Variants in ELOVL6 observed in about 807,000 individuals in gnomAD.
ELOVL6 encodes the protein ELOVL fatty acid elongase 6.
A neutral mutation model predicts 31.7 loss-of-function variants in ELOVL6; 8 were observed. That is an observed-to-expected ratio of 0.25 (90% CI 0.15 to 0.45). ELOVL6 has a LOEUF of 0.45. Ranked by LOEUF, ELOVL6 falls within the 20% of genes least tolerant of loss-of-function variation. ELOVL6 has a pLI of 1.00. For missense variants in ELOVL6, 126 were observed against 326.4 expected (o/e 0.39, Z 4.73); for synonymous variants, 101 against 117.7 (o/e 0.86, Z 0.92).
intron 1 of ELOVL6, among the ~76,000 whole-genome samples, chr4:110,113,068 T>C (rs1757079319): frequency 6.7e-6 from 1 of 148,522 alleles, no homozygotes; most frequent in South Asian, 2.1e-4. Flanking sequence ...ACTAAAAAAA[T>C]ACAAAAAAAA....
In ELOVL6 at chr4:110,198,364, T is replaced by C. The variant is rs1428459595; in HGVS notation, c.-29A>G. On this transcript the variant is annotated 5_prime_UTR_variant, in exon 1 of 4. Coordinates refer to ENST00000302274, the MANE Select transcript of ELOVL6 (RefSeq NM_024090.3). ...GGCTGATCTTCGGAGTCGCTACGTG[T>C]TCTCTATACAAAATAAAATAATCTG... 1 of 1,321,458 alleles carries C rather than the reference T, an allele frequency of 7.6e-7. No homozygotes were observed. The highest frequency in any genetic ancestry group is 1.1e-6 in the Non-Finnish European group (1 of 920,574). The allele number at this position is 1,321,458 out of a possible 1,614,324, so 81.9% of individuals were successfully genotyped here.
chr4:110,111,239 A>C (rs1311212637), intron 1 of ELOVL6, among the ~76,000 whole-genome samples: 4 of 152,228 alleles, frequency 2.6e-5, no homozygotes, highest in African/African-American at 9.6e-5. Context: ...ACAACTGGAC[A>C]TAAGATTTTG....
chr4:110,057,356 A>G (rs775465897), intron 3 of ELOVL6, among the ~76,000 whole-genome samples: 8 of 152,072 alleles, frequency 5.3e-5, no homozygotes, highest in Non-Finnish European at 1.2e-4. Context: ...GGAAGTAGTA[A>G]AAGGTAGAAA....
intron 1 of ELOVL6, among the ~76,000 whole-genome samples, chr4:110,130,478 G>T (rs945438673): frequency 6.6e-6 from 1 of 152,168 alleles, no homozygotes; most frequent in Admixed American, 6.5e-5. Flanking sequence ...CATTCTGGCC[G>T]TAATTATTCT....
At chr4:110,185,870 TTGGATAA>T (rs1759422818) in intron 1 of ELOVL6, among the ~76,000 whole-genome samples, 2 of 152,136 alleles carry the variant, frequency 1.3e-5, no homozygotes, top group Admixed American at 1.3e-4. Context: ...TCCTGAGGTC[TTGGATAA>T]CCAAGAGAAG....
intron 1 of ELOVL6, among the ~76,000 whole-genome samples, chr4:110,121,566 G>T (rs1757357340): frequency 6.6e-6 from 1 of 152,150 alleles, no homozygotes; most frequent in South Asian, 2.1e-4. Context: ...AGGCGTGGTG[G>T]CAGACGCCTG....
intron 1 of ELOVL6, among the ~76,000 whole-genome samples, chr4:110,168,917 A>T (rs1758859348): frequency 6.6e-6 from 1 of 152,170 alleles, no homozygotes; most frequent in South Asian, 2.1e-4. Context: ...AAGCTCAATG[A>T]TTATTAGTTA....
At chr4:110,142,530 T>C (rs1757993652) in intron 1 of ELOVL6, among the ~76,000 whole-genome samples, 1 of 152,164 alleles carries the variant, frequency 6.6e-6, no homozygotes. Context: ...GTCTACTCAT[T>C]TAGTTTGCCT....
intron 2 of ELOVL6, among the ~76,000 whole-genome samples, chr4:110,082,808 C>T (rs1755908188): frequency 6.6e-6 from 1 of 152,308 alleles, no homozygotes; most frequent in East Asian, 1.9e-4. Context: ...ACAGCGCATC[C>T]CTGTCAAGGG....
Position 110,150,729 on chromosome 4 carries a change from AT to A in ELOVL6, c.90-45102del, listed in dbSNP as rs530291373. ...ATTTTATTACTTAGTGATAATAGAT[AT>A]TCATATTTTAAAATAAAAATACAGT... On this transcript the variant is annotated intron_variant, in intron 1 of 3. Transcript: ENST00000302274. Among the ~76,000 whole-genome samples, 26 of 152,322 alleles carry A rather than the reference AT, an allele frequency of 1.7e-4. No homozygotes were observed. In the South Asian group the frequency reaches 5.4e-3, roughly 32 times the overall value.
At chr4:110,055,093 C>T (rs1459715927) in intron 3 of ELOVL6, among the ~76,000 whole-genome samples, 1 of 152,096 alleles carries the variant, frequency 6.6e-6, no homozygotes, top group African/African-American at 2.4e-5. Context: ...ACTGGTGGGG[C>T]TCTAGAAGAG....
chr4:110,113,185 G>A (rs1187792910), intron 1 of ELOVL6, among the ~76,000 whole-genome samples: 13 of 145,994 alleles, frequency 8.9e-5, no homozygotes, highest in Non-Finnish European at 1.5e-4. Context: ...CCAGGATTGT[G>A]CCACTGCACT....
chr4:110,116,961 CA>C (rs1207645589), intron 1 of ELOVL6, among the ~76,000 whole-genome samples: 1 of 151,988 alleles, frequency 6.6e-6, no homozygotes, highest in Admixed American at 6.5e-5. Context: ...GTTCTTTTTT[CA>C]TTTTCCTTTG....
chr4:110,189,592 C>CAAA (rs761765202), intron 1 of ELOVL6, among the ~76,000 whole-genome samples: 253 of 74,896 alleles, frequency 3.4e-3, no homozygotes, highest in Non-Finnish European at 3.8e-3. Context: ...GACTCTGTCT[C>CAAA]AAAAAAAAAA....
chr4:110,144,010 C>T (rs1032471748), intron 1 of ELOVL6, among the ~76,000 whole-genome samples: 65 of 142,354 alleles, frequency 4.6e-4, no homozygotes, highest in African/African-American at 1.6e-3. Context: ...GCCGAGATTG[C>T]GCCATTGCAC....
chr4:110,094,188 G>T (rs1756499134), intron 2 of ELOVL6, among the ~76,000 whole-genome samples: 1 of 150,410 alleles, frequency 6.6e-6, no homozygotes, highest in South Asian at 2.1e-4. Context: ...GGTGGAGGCT[G>T]CAGCGAGCCA....
intron 1 of ELOVL6, among the ~76,000 whole-genome samples, chr4:110,193,641 T>G (rs1026214912): frequency 6.6e-6 from 1 of 152,196 alleles, no homozygotes; most frequent in Non-Finnish European, 1.5e-5. Flanking sequence ...TTTCACTCCA[T>G]TTTTACCTTT....
intron 2 of ELOVL6, among the ~76,000 whole-genome samples, chr4:110,103,496 A>G (rs1224777475): frequency 1.3e-5 from 2 of 152,250 alleles, no homozygotes; most frequent in Non-Finnish European, 2.9e-5. Context: ...CAAAGAATCA[A>G]GCATTTATCC....
chr4:110,194,479 A>G (rs1487412299), intron 1 of ELOVL6, among the ~76,000 whole-genome samples: 1 of 152,224 alleles, frequency 6.6e-6, no homozygotes, highest in East Asian at 1.9e-4. Flanking sequence ...AACCTATTAT[A>G]TATGAAACTT....
Sources: allele counts gnomAD v4.1 joint callset (sites outside exome capture counted in the v4.1 genomes callset), GRCh38; gene constraint gnomAD v4.1.1; transcripts MANE v1.5; gene names NCBI Gene and HGNC (gene_info 2026-07-23, HGNC 2026-07-21).